C1QTNF7: variants seen among roughly 807,000 people sequenced by gnomAD.
C1QTNF7 encodes C1q and TNF related 7.
C1QTNF7 carries 15 observed loss-of-function variants against 19.6 expected under a neutral mutation model. The observed-to-expected ratio is 0.76, with a 90% CI of 0.51 to 1.18. The LOEUF is 1.18. Among genes scored for constraint, C1QTNF7 ranks in the 50% most tolerant of loss-of-function variants. C1QTNF7 has a pLI of 0.00. For missense variants in C1QTNF7, 324 were observed against 359.7 expected (o/e 0.90, Z 0.80); for synonymous variants, 142 against 137.5 (o/e 1.03, Z -0.23).
intron 1 of C1QTNF7, among the ~76,000 whole-genome samples, chr4:15,430,509 G>A (rs186450904): frequency 6.6e-6 from 1 of 152,312 alleles, no homozygotes; most frequent in East Asian, 1.9e-4. Context: ...AAAGCATATT[G>A]TATGTGGAGT....
At chr4:15,418,966 T>C (rs1249558717) in intron 1 of C1QTNF7, among the ~76,000 whole-genome samples, 1 of 152,134 alleles carries the variant, frequency 6.6e-6, no homozygotes, top group Admixed American at 6.5e-5. Context: ...GCCAATACCA[T>C]TGTGGAACAA....
At chr4:15,340,286 T>A in intron 1 of C1QTNF7, 1 of 1,476,466 alleles carries the variant, frequency 6.8e-7, no homozygotes, top group Non-Finnish European at 9.2e-7. Flanking sequence ...TGGGAGAACT[T>A]AAGAAAGCTC....
At chr4:15,438,221 G>A (rs1191909712) in intron 2 of C1QTNF7, among the ~76,000 whole-genome samples, 1 of 152,120 alleles carries the variant, frequency 6.6e-6, no homozygotes, top group Non-Finnish European at 1.5e-5. Context: ...CCTAACCTGA[G>A]ATTATTTAAA....
At chr4:15,341,500 T>C (rs1201872585) in intron 1 of C1QTNF7, among the ~76,000 whole-genome samples, 1 of 152,204 alleles carries the variant, frequency 6.6e-6, no homozygotes, top group African/African-American at 2.4e-5. Context: ...ACTTTGCTCA[T>C]TGCAGAGTGA....
rs1421802977 is a variant in C1QTNF7 at position 15,444,409 on chromosome 4, TGGA to T, written c.*1613_*1615del. 3 of 151,960 alleles carry T rather than the reference TGGA, an allele frequency of 2.0e-5. No homozygotes were observed. Among genetic ancestry groups the T allele is most frequent in the Non-Finnish European group, 2.9e-5 (2 of 67,984 alleles). 9.4% of individuals were successfully genotyped at this position (151,960 alleles called of 1,614,324 possible). A position where few individuals can be genotyped will look rare whatever the true frequency, so the allele number is the denominator to read the frequency against. ...ACACACAAGGTTTCCACTTCACACT[TGGA>T]GGGTTGCATGGCGGCTGGGCAAAGG... On this transcript the variant is annotated 3_prime_UTR_variant, in exon 3 of 3. Transcript: ENST00000444304.
At chr4:15,345,928 A>T (rs1343424512) in intron 1 of C1QTNF7, among the ~76,000 whole-genome samples, 1 of 152,200 alleles carries the variant, frequency 6.6e-6, no homozygotes, top group Non-Finnish European at 1.5e-5. Context: ...GATGGAGCAG[A>T]TGTTTAAACT....
chr4:15,422,692 C>T (rs1711834582), intron 1 of C1QTNF7, among the ~76,000 whole-genome samples: 1 of 152,126 alleles, frequency 6.6e-6, no homozygotes, highest in Non-Finnish European at 1.5e-5. Flanking sequence ...GCAGCTTCAA[C>T]ATCTCGGGCT....
At chr4:15,419,982 T>C (rs956383973) in intron 1 of C1QTNF7, 4 of 152,224 alleles carry the variant, frequency 2.6e-5, no homozygotes, top group Non-Finnish European at 4.4e-5. Flanking sequence ...TTTCTCCAGA[T>C]AGCAGTCCAA....
At chr4:15,395,543 T>C (rs955608086) in intron 1 of C1QTNF7, among the ~76,000 whole-genome samples, 3 of 152,120 alleles carry the variant, frequency 2.0e-5, no homozygotes, top group Non-Finnish European at 4.4e-5. Flanking sequence ...ACAAAGCTGT[T>C]ACAACCACAA....
intron 1 of C1QTNF7, among the ~76,000 whole-genome samples, chr4:15,396,433 C>T (rs1383316259): frequency 6.6e-6 from 1 of 152,178 alleles, no homozygotes; most frequent in Non-Finnish European, 1.5e-5. Flanking sequence ...CAATTGTGCA[C>T]TATCTTTTCT....
chr4:15,410,547 C>T (rs577296420), intron 1 of C1QTNF7, among the ~76,000 whole-genome samples: 1 of 152,306 alleles, frequency 6.6e-6, no homozygotes, highest in South Asian at 2.1e-4. Flanking sequence ...TATTTAACAA[C>T]TCTACTATTA....
At chr4:15,345,159 T>G (rs910871576) in intron 1 of C1QTNF7, among the ~76,000 whole-genome samples, 6 of 152,252 alleles carry the variant, frequency 3.9e-5, no homozygotes, top group Admixed American at 2.6e-4. Flanking sequence ...CAGCAGGAAC[T>G]TTAGTTTCTT....
chr4:15,345,572 C>T (rs1275826528), intron 1 of C1QTNF7, among the ~76,000 whole-genome samples: 2 of 152,138 alleles, frequency 1.3e-5, no homozygotes, highest in Non-Finnish European at 2.9e-5. Context: ...TCCTGTTCTG[C>T]AAAATCCTTG....
chr4:15,417,764 C>T (rs866882575), intron 1 of C1QTNF7, among the ~76,000 whole-genome samples: 12 of 152,076 alleles, frequency 7.9e-5, no homozygotes, highest in Non-Finnish European at 1.5e-5. Flanking sequence ...TTAATTGGCT[C>T]ACAGTTCTGC....
chr4:15,418,724 A>C (rs1711578132), intron 1 of C1QTNF7, among the ~76,000 whole-genome samples: 1 of 152,176 alleles, frequency 6.6e-6, no homozygotes, highest in Non-Finnish European at 1.5e-5. Context: ...GTGTCCTAAG[A>C]CCACATGGCC....
chr4:15,395,392 G>A (rs1465086072), intron 1 of C1QTNF7, among the ~76,000 whole-genome samples: 3 of 152,220 alleles, frequency 2.0e-5, no homozygotes, highest in Non-Finnish European at 2.9e-5. Flanking sequence ...CTTGCTTTCT[G>A]TAAGAACTGG....
chr4:15,420,181 T>G (rs999539951), intron 1 of C1QTNF7: 3 of 152,418 alleles, frequency 2.0e-5, no homozygotes, highest in African/African-American at 7.2e-5. Context: ...TCCCCAGCTT[T>G]CTCACTCTCC....
chr4:15,349,361 T>TGCA (rs1716824162), intron 1 of C1QTNF7, among the ~76,000 whole-genome samples: 1 of 152,208 alleles, frequency 6.6e-6, no homozygotes, highest in African/African-American at 2.4e-5. Context: ...CTGTATTTTC[T>TGCA]GCAGTATATA....
chr4:15,416,672 A>C (rs1473789732), intron 1 of C1QTNF7, among the ~76,000 whole-genome samples: 1 of 152,236 alleles, frequency 6.6e-6, no homozygotes, highest in Non-Finnish European at 1.5e-5. Flanking sequence ...AAGTGCTCTG[A>C]TGTCTCAGAC....
Sources: allele counts gnomAD v4.1 joint callset (sites outside exome capture counted in the v4.1 genomes callset), GRCh38; gene constraint gnomAD v4.1.1; transcripts MANE v1.5; gene names NCBI Gene and HGNC (gene_info 2026-07-23, HGNC 2026-07-21).